The following PSMG1 variants were observed in gnomAD, a reference collection of about 807,000 sequenced individuals.
PSMG1 encodes proteasome assembly chaperone 1, also known as Down syndrome critical region gene 2.
In PSMG1, 23 loss-of-function variants were observed where a neutral mutation model predicts 37.2. The ratio of observed to expected loss-of-function variants is 0.62; its 90% CI spans 0.44 to 0.88. The LOEUF (loss-of-function observed/expected upper bound fraction) is 0.88. Ranked by LOEUF, PSMG1 falls within the 40% of genes least tolerant of loss-of-function variation. The pLI is 0.00. For missense variants in PSMG1, 340 were observed against 344.2 expected (o/e 0.99, Z 0.10); for synonymous variants, 127 against 128.0 (o/e 0.99, Z 0.05).
chr21:39,175,755 T>A, intron 6 of PSMG1, 91 bp from the exon 7 acceptor site: 1 of 834,922 alleles, frequency 1.2e-6, no homozygotes, highest in Non-Finnish European at 2.0e-6. Context: ...ATCTCCACAC[T>A]CGAGACTTAA....
chr21:39,177,027 T>C (rs2030648502), intron 6 of PSMG1, among the ~76,000 whole-genome samples: 1 of 152,230 alleles, frequency 6.6e-6, no homozygotes, highest in Admixed American at 6.5e-5. Context: ...TCTCTCATCT[T>C]CACATATACA....
chr21:39,183,067 G>C, intron 1 of PSMG1, 185 bp downstream of exon 1: 1 of 713,744 alleles, frequency 1.4e-6, no homozygotes, highest in Non-Finnish European at 2.1e-6. Flanking sequence ...CACACACCTG[G>C]GGCTGGCGCC....
rs200021987 is a variant in PSMG1, at chr21:39,180,436, G to A, written c.242C>T (p.Ala81Val). 5.1e-6 allele frequency: 8 copies of A among 1,582,086 alleles called. No individual in the cohort carries two copies. The highest frequency in any genetic ancestry group is 6.0e-6 in the Non-Finnish European group (7 of 1,165,618). Residue 81 changes from alanine (A) to valine (V), a missense_variant and splice_region_variant, in exon 3 of 7, where the codon GCA becomes GTA. Physicochemically the swap from Ala to Val is moderately conservative, Grantham distance 64 (BLOSUM62 0). Transcript: ENST00000331573. ...FIIAIGNNAV[A>V]FLSSFVMNSG... ...ATTCATAACAAATGATGACAGAAAT[G>A]CTGTAAAAAACAATTCACATAAGTT...
In PSMG1 at chr21:39,177,514, T is replaced by G. The variant is rs890938558; in HGVS notation, c.713A>C (p.Asp238Ala). Residue 238 changes from aspartate to alanine, a missense_variant, in exon 6 of 7, where the codon GAT becomes GCT. Coordinates refer to ENST00000331573, the MANE Select transcript of PSMG1 (RefSeq NM_003720.4). ...TGTGATTAGGTCTAATTTCATCACA[T>G]CAGTATAACACAAGTACAGAATTGC... is the stretch of plus-strand genomic sequence containing the variant. ...IPAILYLCYT[D>A]VMKLDLITVE... The G allele has an allele frequency of 6.2e-7, 1 of 1,607,454 alleles. No individual in the cohort carries two copies. Among genetic ancestry groups the G allele is most frequent in the Non-Finnish European group, 8.5e-7 (1 of 1,176,502 alleles).
At chr21:39,178,779 G>A in intron 4 of PSMG1, 132 bp from the exon 5 acceptor site, 1 of 853,754 alleles carries the variant, frequency 1.2e-6, no homozygotes, top group Non-Finnish European at 1.8e-6. Flanking sequence ...GTGCCTTGGA[G>A]AAACAGAACA....
chr21:39,178,703 A>T (rs1264079015), intron 4 of PSMG1, 56 bp from the exon 5 acceptor site: 1 of 1,482,796 alleles, frequency 6.7e-7, no homozygotes, highest in Non-Finnish European at 9.2e-7. Flanking sequence ...TACAGAATGG[A>T]AACATTCCTC....
chr21:39,176,355 C>A (rs1297196810), intron 6 of PSMG1, among the ~76,000 whole-genome samples: 1 of 152,202 alleles, frequency 6.6e-6, no homozygotes, highest in African/African-American at 2.4e-5. Context: ...TATGACACAC[C>A]TGTGTGCTAC....
Position 39,180,267 on chromosome 21 carries a change from C to A in PSMG1, c.393+18G>T. 1 of 1,574,200 alleles carries A rather than the reference C, an allele frequency of 6.4e-7. No homozygotes were observed. The highest frequency in any genetic ancestry group is 8.6e-7 in the Non-Finnish European group (1 of 1,163,066). Reference sequence around the variant, plus strand: ...GATACTTAAATAACTGCTTTTCAAACATACAAGTCCCACCTACCGAGGGAT... The same window carrying A: ...GATACTTAAATAACTGCTTTTCAAAAATACAAGTCCCACCTACCGAGGGAT... On this transcript the variant is annotated intron_variant, in intron 3 of 6. Transcript: ENST00000331573.
chr21:39,179,606 AC>A (rs1338995519), intron 4 of PSMG1, among the ~76,000 whole-genome samples: 1 of 152,104 alleles, frequency 6.6e-6, no homozygotes, highest in Non-Finnish European at 1.5e-5. Flanking sequence ...AGTGATGTAA[AC>A]AAAGAAAGAT....
At chr21:39,175,717 G>C in intron 6 of PSMG1, 53 bp from the exon 7 acceptor site, 1 of 1,148,324 alleles carries the variant, frequency 8.7e-7, no homozygotes, top group Non-Finnish European at 1.3e-6. Flanking sequence ...TTCAGGCAGA[G>C]GCAACACCCC....
chr21:39,180,200 T>C, intron 3 of PSMG1, 85 bp downstream of exon 3: 1 of 1,446,782 alleles, frequency 6.9e-7, no homozygotes, highest in Non-Finnish European at 9.3e-7. Flanking sequence ...AACTGAAAGA[T>C]TTGCCATACT....
rs200337849 is a variant in PSMG1, at chr21:39,179,674, G to A, written c.456+250C>T. ...TCTGTGACCTACCATCCTCAATGCTGAGGACCAACTGTGTTTTATACTTCT... is the reference window on the plus strand; with the variant it reads ...TCTGTGACCTACCATCCTCAATGCTAAGGACCAACTGTGTTTTATACTTCT... On this transcript the variant is annotated intron_variant, in intron 4 of 6. Coordinates refer to ENST00000331573, the MANE Select transcript of PSMG1 (RefSeq NM_003720.4). Among the ~76,000 whole-genome samples the A allele has an allele frequency of 3.3e-5, 5 of 151,810 alleles. No homozygotes were observed. The East Asian group carries it at 9.7e-4, about 29-fold the overall frequency.
chr21:39,181,196 G>A (rs765373329), intron 2 of PSMG1, among the ~76,000 whole-genome samples: 2 of 152,064 alleles, frequency 1.3e-5, no homozygotes, highest in Non-Finnish European at 2.9e-5. Context: ...CGATCAGTGG[G>A]AGGATCGTGG....
chr21:39,181,892 C>T lies in PSMG1; in HGVS notation c.135-14G>A, dbSNP rs895913445. 6.5e-7 allele frequency: 1 copy of T among 1,547,642 alleles called. No individual in the cohort carries two copies. Among genetic ancestry groups the T allele is most frequent in the Non-Finnish European group, 8.7e-7 (1 of 1,150,696 alleles). ...AGCCGCACTTCCCTAACACAAGAAACAAGATGAAACTAAAGCAACTTCAAT... is the reference window on the plus strand; with the variant it reads ...AGCCGCACTTCCCTAACACAAGAAATAAGATGAAACTAAAGCAACTTCAAT... On this transcript the variant is annotated splice_polypyrimidine_tract_variant and intron_variant, in intron 1 of 6. Transcript: ENST00000331573.
rs1435305097 is a variant in PSMG1, at chr21:39,180,430, A to C, written c.248T>G (p.Leu83Arg). The change falls in exon 3 of 7, where the codon CTG becomes CGG. Residue 83 changes from leucine (L) to arginine (R), a missense_variant. By Grantham distance (102) the Leu-to-Arg change is moderately radical. Transcript: ENST00000331573. Reference sequence around the variant, plus strand: ...TCCTGAATTCATAACAAATGATGACAGAAATGCTGTAAAAAACAATTCACA... The same window carrying C: ...TCCTGAATTCATAACAAATGATGACCGAAATGCTGTAAAAAACAATTCACA... The part of the protein sequence containing the change: ...IAIGNNAVAF[L>R]SSFVMNSGVW... 1 of 1,586,288 alleles carries C rather than the reference A, an allele frequency of 6.3e-7. No individual in the cohort carries two copies. Among genetic ancestry groups the C allele is most frequent in the Non-Finnish European group, 8.6e-7 (1 of 1,167,854 alleles).
At chr21:39,180,792 T>C (rs928620767) in intron 2 of PSMG1, among the ~76,000 whole-genome samples, 2 of 152,194 alleles carry the variant, frequency 1.3e-5, no homozygotes, top group African/African-American at 4.8e-5. Flanking sequence ...CTACAACCAC[T>C]AGGGGTACCT....
Position 39,175,903 on chromosome 21 carries a change from G to A in PSMG1, c.793-239C>T, listed in dbSNP as rs577433101. ...TCCGATGGTCTCCTGGCCTCTGGAGGAAGTCTATGCTCTAACCCGCCCGAC... is the reference window on the plus strand; with the variant it reads ...TCCGATGGTCTCCTGGCCTCTGGAGAAAGTCTATGCTCTAACCCGCCCGAC... On this transcript the variant is annotated intron_variant, in intron 6 of 6. Transcript: ENST00000331573. Among the ~76,000 whole-genome samples the A allele has an allele frequency of 3.3e-5, 5 of 152,188 alleles. No individual in the cohort carries two copies. In the East Asian group the frequency reaches 9.6e-4, roughly 29 times the overall value.
At chr21:39,183,513 A>C (rs993793188), upstream of PSMG1, 2 of 1,199,318 alleles carry the variant, frequency 1.7e-6, no homozygotes, top group Non-Finnish European at 2.2e-6. Context: ...CTCCGCGCAC[A>C]GCCCAAGCTC....
At chr21:39,183,196 A>C in intron 1 of PSMG1, 56 bp downstream of exon 1, 1 of 1,479,738 alleles carries the variant, frequency 6.8e-7, no homozygotes, top group Non-Finnish European at 9.0e-7. Flanking sequence ...CGCGGCTGCC[A>C]GGCCCGCGCA....
Sources: gnomAD v4.1 joint callset for allele counts (sites outside exome capture counted in the v4.1 genomes callset) on GRCh38, gnomAD v4.1.1 for gene constraint, MANE v1.5 for transcripts, NCBI Gene and HGNC (gene_info 2026-07-23, HGNC 2026-07-21) for gene names.